Variants in ABTB3 observed in about 807,000 individuals in gnomAD.
ABTB3 encodes the protein ankyrin repeat- and BTB/POZ domain-containing protein 3.
At chr12:107,432,759 C>T in the ABTB3 span, among the ~76,000 whole-genome samples, 3 of 152,096 alleles carry the variant, frequency 2.0e-5, no homozygotes, top group Admixed American at 6.5e-5. Context: ...TCCTGGTCTC[C>T]GTACAGACTT....
At chr12:107,415,301 C>T in the ABTB3 span, among the ~76,000 whole-genome samples, 1 of 152,138 alleles carries the variant, frequency 6.6e-6, no homozygotes, top group African/African-American at 2.4e-5. Flanking sequence ...ATTTGAGTAG[C>T]GCTTCCCACT....
chr12:107,515,401 C>A, the ABTB3 span, among the ~76,000 whole-genome samples: 1 of 152,214 alleles, frequency 6.6e-6, no homozygotes, highest in Non-Finnish European at 1.5e-5. Context: ...GCTGTGAAGT[C>A]CCCTCTGACC....
the ABTB3 span, among the ~76,000 whole-genome samples, chr12:107,571,944 C>A: frequency 6.6e-6 from 1 of 152,206 alleles, no homozygotes; most frequent in Non-Finnish European, 1.5e-5. Context: ...TCAGAAAATA[C>A]CTACAGAGAA....
chr12:107,616,448 C>T, the ABTB3 span, among the ~76,000 whole-genome samples: 3 of 152,212 alleles, frequency 2.0e-5, no homozygotes, highest in African/African-American at 7.2e-5. Context: ...GACAGCATCC[C>T]TACCTCTTTA....
chr12:107,534,291 C>T, the ABTB3 span, among the ~76,000 whole-genome samples: 11 of 150,252 alleles, frequency 7.3e-5, no homozygotes, highest in Non-Finnish European at 3.0e-5. Context: ...ATAGTATACA[C>T]AAAAGCAGTG....
At chr12:107,499,753 T>G in the ABTB3 span, among the ~76,000 whole-genome samples, 3 of 151,820 alleles carry the variant, frequency 2.0e-5, no homozygotes, top group Non-Finnish European at 4.4e-5. Flanking sequence ...TGGCATGATC[T>G]TGGCTCACTA....
the ABTB3 span, among the ~76,000 whole-genome samples, chr12:107,529,168 T>C: frequency 7.1e-6 from 1 of 141,236 alleles, no homozygotes; most frequent in Non-Finnish European, 1.6e-5. Context: ...ATGGTAGTGA[T>C]GATGGTGATG....
chr12:107,654,830 A>ACACACG, the ABTB3 span, among the ~76,000 whole-genome samples: 740 of 147,138 alleles, frequency 5.0e-3, 9 homozygotes, highest in African/African-American at 0.018. Context: ...ACACACACAC[A>ACACACG]CACACACACA....
chr12:107,487,069 G>T, the ABTB3 span, among the ~76,000 whole-genome samples: 2 of 152,266 alleles, frequency 1.3e-5, no homozygotes, highest in African/African-American at 4.8e-5. Flanking sequence ...TGTTCTAAGA[G>T]AATCCATGTC....
At chr12:107,541,999 C>A in the ABTB3 span, among the ~76,000 whole-genome samples, 1 of 152,148 alleles carries the variant, frequency 6.6e-6, no homozygotes, top group African/African-American at 2.4e-5. Flanking sequence ...ATAGCCTGGC[C>A]AAGTTGACAC....
chr12:107,437,760 C>T, the ABTB3 span, among the ~76,000 whole-genome samples: 1 of 152,076 alleles, frequency 6.6e-6, no homozygotes, highest in Non-Finnish European at 1.5e-5. Flanking sequence ...TGGATTTGGG[C>T]CCCACCTGGG....
the ABTB3 span, among the ~76,000 whole-genome samples, chr12:107,427,779 A>G: frequency 1.3e-5 from 2 of 152,228 alleles, no homozygotes; most frequent in Non-Finnish European, 2.9e-5. Context: ...GATGGTTCTC[A>G]GTGGCTTATG....
chr12:107,461,988 C>T, the ABTB3 span, among the ~76,000 whole-genome samples: 1 of 152,026 alleles, frequency 6.6e-6, no homozygotes, highest in Admixed American at 6.6e-5. Flanking sequence ...AGAGGGTGGC[C>T]CAGGAGGAGG....
the ABTB3 span, among the ~76,000 whole-genome samples, chr12:107,340,822 C>T: frequency 3.3e-5 from 5 of 152,218 alleles, no homozygotes; most frequent in Admixed American, 1.3e-4. Context: ...ACAATCTGCA[C>T]ATCCCCAGGT....
At chr12:107,618,186 C>G in the ABTB3 span, 1 of 1,614,102 alleles carries the variant, frequency 6.2e-7, no homozygotes. Context: ...GCTCGCCCAG[C>G]CAGAGAAGGA....
At chr12:107,549,278 C>T in the ABTB3 span, among the ~76,000 whole-genome samples, 2 of 152,226 alleles carry the variant, frequency 1.3e-5, no homozygotes, top group Admixed American at 6.5e-5. Flanking sequence ...CAGTGAATGA[C>T]AACCAAATAC....
the ABTB3 span, among the ~76,000 whole-genome samples, chr12:107,359,955 C>T: frequency 1.3e-5 from 2 of 152,190 alleles, no homozygotes; most frequent in African/African-American, 4.8e-5. Context: ...ATTTTCCCTC[C>T]CTCTCTTCTT....
chr12:107,469,886 C>CT, the ABTB3 span, among the ~76,000 whole-genome samples: 1 of 102,094 alleles, frequency 9.8e-6, no homozygotes, highest in Non-Finnish European at 2.0e-5. Context: ...TTCTTTCTTT[C>CT]TTTCTTTCTT....
the ABTB3 span, among the ~76,000 whole-genome samples, chr12:107,353,135 G>C: frequency 6.6e-6 from 1 of 152,048 alleles, no homozygotes; most frequent in African/African-American, 2.4e-5. Context: ...TGGCATTCAG[G>C]TCATGGTAGA....
Sources: allele counts gnomAD v4.1 joint callset (sites outside exome capture counted in the v4.1 genomes callset), GRCh38; gene constraint gnomAD v4.1.1; transcripts MANE v1.5; gene names NCBI Gene and HGNC (gene_info 2026-07-23, HGNC 2026-07-21).